The following GMPR2 variants were observed in gnomAD, a reference collection of about 807,000 sequenced individuals.
GMPR2 encodes the protein guanosine monophosphate reductase 2.
In GMPR2, 32 loss-of-function variants were observed where a neutral mutation model predicts 38.5. The ratio of observed to expected loss-of-function variants is 0.83; its 90% confidence interval spans 0.63 to 1.12. The LOEUF (loss-of-function observed/expected upper bound fraction) is 1.12, where lower values mean the gene tolerates loss of function less well. Among genes scored for constraint, GMPR2 ranks in the 50% most tolerant of loss-of-function variants. The pLI, the probability that GMPR2 is intolerant of heterozygous loss-of-function variation, is 0.00. For missense variants in GMPR2, 396 were observed against 432.1 expected (o/e 0.92, Z 0.74); for synonymous variants, 154 against 151.0 (o/e 1.02, Z -0.15).
In GMPR2 at chr14:24,238,919, ACT is replaced by A. The variant is rs755576200; in HGVS notation, c.*144_*145del. The A allele has an allele frequency of 5.4e-6, 4 of 738,898 alleles. No homozygotes were observed. Among genetic ancestry groups the A allele is most frequent in the Non-Finnish European group, 9.5e-6 (4 of 419,770 alleles). The allele number at this position is 738,898 out of a possible 1,614,324, so 45.8% of individuals were successfully genotyped here. On this transcript the variant is annotated 3_prime_UTR_variant, in exon 10 of 10. Coordinates refer to ENST00000399440, the MANE Select transcript of GMPR2 (RefSeq NM_001002002.3). ...CTCACTCCTGAGGGCTCCTGCAGTA[ACT>A]CTGTACTTCTCTATCTGCACACACA...
In GMPR2 at chr14:24,236,110, A is replaced by G; in HGVS notation, c.435A>G (p.Val145=). Reference sequence around the variant, plus strand: ...ACTTTGTTGAATTTGTAAAAGATGTACGGAAGCGCTTCCCCCAGCACACCA... The same window carrying G: ...ACTTTGTTGAATTTGTAAAAGATGTGCGGAAGCGCTTCCCCCAGCACACCA... ...SEHFVEFVKD[V]RKRFPQHTIM... Residue 145 remains valine (V), a synonymous_variant, in exon 5 of 10, where the codon GTA becomes GTG. Coordinates refer to ENST00000399440, the MANE Select transcript of GMPR2 (RefSeq NM_001002002.3). 6.2e-7 allele frequency: 1 copy of G among 1,614,096 alleles called. No homozygotes were observed. The highest frequency in any genetic ancestry group is 1.7e-5 in the Admixed American group (1 of 60,018).
At chr14:24,235,700 T>G (rs755727539) in intron 3 of GMPR2, 37 bp from the exon 4 acceptor site, 1 of 1,381,258 alleles carries the variant, frequency 7.2e-7, no homozygotes, top group Non-Finnish European at 1.0e-6. Flanking sequence ...CTTAATAAAG[T>G]TTTCTCCCTT....
At chr14:24,235,308 G>C in intron 3 of GMPR2, 1 of 172,978 alleles carries the variant, frequency 5.8e-6, no homozygotes, top group Non-Finnish European at 1.2e-5. Context: ...GCTGGTAAAT[G>C]AACGAGAACA....
intron 3 of GMPR2, 41 bp from the exon 4 acceptor site, chr14:24,235,696 A>T (rs2040305178): frequency 7.5e-7 from 1 of 1,336,814 alleles, no homozygotes; most frequent in African/African-American, 1.4e-5. Flanking sequence ...AGACCTTAAT[A>T]AAGTTTTCTC....
At position 24,238,115 on chromosome 14, in the gene GMPR2, T is replaced by G. The variant is rs528612428; in HGVS notation, c.698-131T>G. The stretch of plus-strand genomic sequence containing the variant: ...AGGCCTGCGTGGATTGTGGGTCAGC[T>G]AGGGAAGCAGAAGGAGGAAGACGCT... On this transcript the variant is annotated intron_variant, in intron 8 of 9. Transcript: ENST00000399440. 1.6e-5 allele frequency: 13 copies of G among 792,612 alleles called. 1 individual carries two copies. In the South Asian group the frequency reaches 1.9e-4, roughly 12 times the overall value. The allele number at this position is 792,612 out of a possible 1,614,324, so 49.1% of individuals were successfully genotyped here.
At chr14:24,238,140 T>C (rs1053377669) in intron 8 of GMPR2, 106 bp from the exon 9 acceptor site, 7 of 1,035,276 alleles carry the variant, frequency 6.8e-6, no homozygotes, top group Admixed American at 2.3e-5. Context: ...AGGAAGACGC[T>C]GGAATCATTG....
rs2040492819 is a variant in GMPR2, at chr14:24,239,090, T to C, written c.*312T>C. On this transcript the variant is annotated 3_prime_UTR_variant, in exon 10 of 10. Coordinates refer to ENST00000399440, the MANE Select transcript of GMPR2 (RefSeq NM_001002002.3). ...GAAAAGATGCTGATTGGTACATAAA[T>C]CTTTTACATGGCCTTGGTCTAGAGG... is the stretch of plus-strand genomic sequence containing the variant. The C allele has an allele frequency of 2.1e-6, 1 of 487,644 alleles. No homozygotes were observed. The highest frequency in any genetic ancestry group is 4.0e-6 in the Non-Finnish European group (1 of 248,754). The allele number at this position is 487,644 out of a possible 1,614,324, so 30.2% of individuals were successfully genotyped here. A position where few individuals can be genotyped will look rare whatever the true frequency, so the allele number is the denominator to read the frequency against.
intron 8 of GMPR2, chr14:24,237,824 G>C (rs1249381398): frequency 5.5e-6 from 3 of 548,218 alleles, no homozygotes; most frequent in Non-Finnish European, 9.7e-6. Context: ...CTAAAAATAG[G>C]CTCTGAGGAA....
chr14:24,233,345 G>A lies in GMPR2; in HGVS notation c.87+5G>A. On this transcript the variant is annotated splice_donor_5th_base_variant and intron_variant, in intron 2 of 9. Transcript: ENST00000399440. ...ACCCTTAAGTCTCGAAGTGAGGTGA[G>A]CAAGCTTCTCTACTTGCTGTTTCTT... is the stretch of plus-strand genomic sequence containing the variant. 1.2e-6 allele frequency: 2 copies of A among 1,614,000 alleles called. No homozygotes were observed. Among genetic ancestry groups the A allele is most frequent in the Non-Finnish European group, 1.7e-6 (2 of 1,179,924 alleles).
In GMPR2 at chr14:24,237,623, G is replaced by A; in HGVS notation, c.697+61G>A. 4 of 1,425,356 alleles carry A rather than the reference G, an allele frequency of 2.8e-6. No homozygotes were observed. In the South Asian group the frequency reaches 4.6e-5, roughly 16 times the overall value. 88.3% of individuals were successfully genotyped at this position (1,425,356 alleles called of 1,614,324 possible). A position where few individuals can be genotyped will look rare whatever the true frequency, so the allele number is the denominator to read the frequency against. On this transcript the variant is annotated intron_variant, in intron 8 of 9. Transcript: ENST00000399440. ...ACAAGAGGATGAATCACCTCTGAGG[G>A]TCTAGGGTCAGGCTAAGAGAGGCTC...
chr14:24,236,713 G>A (rs1275550785), intron 5 of GMPR2, among the ~76,000 whole-genome samples: 3 of 152,194 alleles, frequency 2.0e-5, no homozygotes, highest in Non-Finnish European at 2.9e-5. Context: ...TCAGATGTGA[G>A]CCTGGTCCAG....
chr14:24,235,311 C>T lies in GMPR2; in HGVS notation c.208-426C>T, dbSNP rs549211753. 62 of 174,096 alleles carry T rather than the reference C, an allele frequency of 3.6e-4. 2 individuals carry two copies. Among genetic ancestry groups the T allele is most frequent in the African/African-American group, 1.3e-3 (53 of 41,998 alleles). 10.8% of individuals were successfully genotyped at this position (174,096 alleles called of 1,614,324 possible). A position where few individuals can be genotyped will look rare whatever the true frequency, so the allele number is the denominator to read the frequency against. ...TACTGAATTACTGCTGGTAAATGAA[C>T]GAGAACATAACCAAAAATAGTTTAG... On this transcript the variant is annotated intron_variant, in intron 3 of 9. Transcript: ENST00000399440.
At chr14:24,238,475 G>T in intron 9 of GMPR2, 70 bp downstream of exon 9, 6 of 1,614,044 alleles carry the variant, frequency 3.7e-6, no homozygotes, top group Non-Finnish European at 5.1e-6. Context: ...GAGGGGGATG[G>T]TACAGTTCTC....
At chr14:24,236,299 A>G (rs774580627) in intron 5 of GMPR2, among the ~76,000 whole-genome samples, 159 bp downstream of exon 5, 1 of 152,164 alleles carries the variant, frequency 6.6e-6, no homozygotes, top group Non-Finnish European at 1.5e-5. Context: ...GAAAATGTCT[A>G]TTTGGTCAGT....
Position 24,233,570 on chromosome 14 carries a change from C to G in GMPR2, c.179C>G (p.Thr60Ser). Residue 60 changes from threonine to serine, a missense_variant, in exon 3 of 10, where the codon ACC becomes AGC. Physicochemically the swap from Thr to Ser is moderately conservative, Grantham distance 58. Transcript: ENST00000399440. ...GCTGCCAATATGGATACTGTGGGCA[C>G]CTTTGAGATGGCCAAGGTTCTCTGT... ...IIAANMDTVG[T>S]FEMAKVLCKF... 1 of 1,614,080 alleles carries G rather than the reference C, an allele frequency of 6.2e-7. No homozygotes were observed. Among genetic ancestry groups the G allele is most frequent in the Non-Finnish European group, 8.5e-7 (1 of 1,179,972 alleles).
rs752995231 is a variant in GMPR2, at chr14:24,237,137, G to A, written c.532G>A (p.Val178Met). 1.2e-6 allele frequency: 2 copies of A among 1,610,500 alleles called. No homozygotes were observed. Among genetic ancestry groups the A allele is most frequent in the South Asian group, 1.1e-5 (1 of 91,022 alleles). ...CCTTTCTGGGGCTGACATCATCAAA[G>A]TGGGAATTGGGCCAGGTAAGCTGGT... ...LILSGADIIK[V>M]GIGPGSVCTT... The change falls in exon 6 of 10, where the codon GTG becomes ATG. Residue 178 changes from valine (V) to methionine (M), a missense_variant. Val to Met is a conservative substitution (Grantham distance 21, BLOSUM62 1). Coordinates refer to ENST00000399440, the MANE Select transcript of GMPR2 (RefSeq NM_001002002.3).
rs2040337891 is a variant in GMPR2 at position 24,236,227 on chromosome 14, G to T, written c.465+87G>T. 4.4e-6 allele frequency: 4 copies of T among 902,038 alleles called. No homozygotes were observed. The East Asian group carries it at 9.6e-5, about 22-fold the overall frequency. The allele number at this position is 902,038 out of a possible 1,614,324, so 55.9% of individuals were successfully genotyped here. On this transcript the variant is annotated intron_variant, in intron 5 of 9. Coordinates refer to ENST00000399440, the MANE Select transcript of GMPR2 (RefSeq NM_001002002.3). ...TACATCAGTCCATTTCTCCTCTGCT[G>T]CATTATGATATTCCTAGTTCATTTA...
chr14:24,233,314 CG>C lies in GMPR2; in HGVS notation c.62del (p.Arg21ProfsTer103). The C allele has an allele frequency of 6.2e-7, 1 of 1,614,094 alleles. No homozygotes were observed. The highest frequency in any genetic ancestry group is 8.5e-7 in the Non-Finnish European group (1 of 1,179,994). On this transcript the variant is annotated frameshift_variant, in exon 2 of 10. Coordinates refer to ENST00000399440, the MANE Select transcript of GMPR2 (RefSeq NM_001002002.3). LOFTEE classifies it high-confidence loss of function. ...DFKDVLLRPK[R>X]STLKSRSEVD... ...CAAGGATGTCCTTTTGAGGCCCAAA[CG>C]CAGTACCCTTAAGTCTCGAAGTGAG...
Position 24,236,158 on chromosome 14 carries a change from T to C in GMPR2, c.465+18T>C. 1.3e-6 allele frequency: 2 copies of C among 1,599,928 alleles called. No individual in the cohort carries two copies. Among genetic ancestry groups the C allele is most frequent in the Non-Finnish European group, 1.7e-6 (2 of 1,168,498 alleles). On this transcript the variant is annotated intron_variant, in intron 5 of 9. Coordinates refer to ENST00000399440, the MANE Select transcript of GMPR2 (RefSeq NM_001002002.3). ...CCATCATGGTATGTTTCTATTACAGTCGGTACCTTTTTATCTTTCCACTTT... is the reference window on the plus strand; with the variant it reads ...CCATCATGGTATGTTTCTATTACAGCCGGTACCTTTTTATCTTTCCACTTT...
Sources: allele counts gnomAD v4.1 joint callset (sites outside exome capture counted in the v4.1 genomes callset), GRCh38; gene constraint gnomAD v4.1.1; transcripts MANE v1.5; gene names NCBI Gene and HGNC (gene_info 2026-07-23, HGNC 2026-07-21).